The following EVL variants were observed in gnomAD, a reference collection of about 807,000 sequenced individuals.
The protein encoded by EVL is Enah/Vasp-like, also known as ena/VASP-like protein.
In EVL, 21 loss-of-function variants were observed where a neutral mutation model predicts 59.6. That is an observed-to-expected ratio of 0.35 (90% CI 0.25 to 0.51). The LOEUF (loss-of-function observed/expected upper bound fraction) is 0.51, where lower values mean the gene tolerates loss of function less well. Among genes scored for constraint, EVL ranks in the 20% least tolerant of loss-of-function variants. The pLI is 0.97. For synonymous variants in EVL, 198 were observed against 203.5 expected, an observed-to-expected ratio of 0.97 and a Z score of 0.23; for missense variants, 462 against 546.6, an observed-to-expected ratio of 0.85 and a Z score of 1.54.
chr14:100,008,353 G>A (rs1487348773), intron 1 of EVL, among the ~76,000 whole-genome samples: 5 of 152,188 alleles, frequency 3.3e-5, no homozygotes, highest in South Asian at 4.1e-4. Flanking sequence ...TTCCATCTCT[G>A]ACTGTGATTG....
rs924582412 is a variant in EVL, at chr14:100,114,664, G to A, written c.359-8875G>A. 2 of 152,064 alleles carry A rather than the reference G, an allele frequency of 1.3e-5. No individual in the cohort carries two copies. The highest frequency in any genetic ancestry group is 2.9e-5 in the Non-Finnish European group (2 of 67,958). 9.4% of individuals were successfully genotyped at this position (152,064 alleles called of 1,614,324 possible). A position where few individuals can be genotyped will look rare whatever the true frequency, so the allele number is the denominator to read the frequency against. ...CTGCCCGTGATGGTCAGCAGGGAGT[G>A]GGCCTTCCACTGCTTTTGCTTCTGC... On this transcript the variant is annotated intron_variant, in intron 3 of 13. Transcript: ENST00000392920. The surrounding 1 kb of genome is among the most constrained non-coding windows in gnomAD (Gnocchi z 5.0).
intron 1 of EVL, among the ~76,000 whole-genome samples, chr14:99,991,958 C>CTG (rs1491151315): frequency 2.7e-5 from 2 of 73,404 alleles, no homozygotes; most frequent in Admixed American, 1.6e-4. Flanking sequence ...TGAGGGTCAA[C>CTG]TCTGTGTGTG....
chr14:100,099,870 G>T (rs1300748872), intron 3 of EVL, among the ~76,000 whole-genome samples: 1 of 151,612 alleles, frequency 6.6e-6, no homozygotes, highest in South Asian at 2.1e-4. Flanking sequence ...ACTGCGCCCG[G>T]CCCAGCTTTA....
intron 1 of EVL, chr14:100,019,324 T>C (rs1348511229): frequency 3.8e-6 from 1 of 264,014 alleles, no homozygotes; most frequent in Non-Finnish European, 7.1e-6. Flanking sequence ...ATGTGTTACA[T>C]GCTTTACCCA....
intron 1 of EVL, among the ~76,000 whole-genome samples, chr14:100,008,258 A>G (rs988763472): frequency 6.6e-6 from 1 of 152,192 alleles, no homozygotes; most frequent in Non-Finnish European, 1.5e-5. Context: ...TGATGCTAAT[A>G]TGGCTGGTGG....
chr14:100,049,529 T>C (rs2061611923), intron 1 of EVL, among the ~76,000 whole-genome samples: 1 of 152,240 alleles, frequency 6.6e-6, no homozygotes, highest in East Asian at 1.9e-4. Context: ...AGTCAGAATG[T>C]GGGATGGTTT....
intron 1 of EVL, among the ~76,000 whole-genome samples, chr14:100,037,280 A>G (rs1223903981): frequency 1.3e-5 from 2 of 152,210 alleles, no homozygotes; most frequent in African/African-American, 2.4e-5. Context: ...GTCTAGTCTA[A>G]TTTCTCCAAG....
At chr14:100,049,914 GTGAC>G (rs936334069) in intron 1 of EVL, among the ~76,000 whole-genome samples, 1 of 152,054 alleles carries the variant, frequency 6.6e-6, no homozygotes, top group African/African-American at 2.4e-5. Flanking sequence ...TGTGACCTTT[GTGAC>G]TGACTTCTTT....
chr14:100,070,602 G>A lies in EVL; in HGVS notation c.11+5091G>A, dbSNP rs181686986. On this transcript the variant is annotated intron_variant, in intron 1 of 13. Transcript: ENST00000392920. ...GCCTAGAGCTCTTTCAGAGCAGGAC[G>A]CTTGTGTTATGCATTCATGTTTGTC... 4.3e-3 allele frequency among the ~76,000 whole-genome samples: 660 copies of A among 152,312 alleles called. 19 individuals carry two copies. The highest frequency in any genetic ancestry group is 0.035 in the Admixed American group (541 of 15,308).
At position 100,042,010 on chromosome 14, in the gene EVL, A is replaced by G. The variant is rs576037254; in HGVS notation, c.6-42677A>G. Among the ~76,000 whole-genome samples, 4 of 152,342 alleles carry G rather than the reference A, an allele frequency of 2.6e-5. No homozygotes were observed. In the South Asian group the frequency reaches 6.2e-4, roughly 24 times the overall value. On this transcript the variant is annotated intron_variant, in intron 1 of 13. Transcript: ENST00000402714. ...ATGGGAGCTGCATGTGGAATTTTAA[A>G]TATTTAATAACCATATGAACTAAAG...
chr14:100,123,642 A>G (rs1440409856), intron 4 of EVL, 40 bp downstream of exon 4: 1 of 1,609,642 alleles, frequency 6.2e-7, no homozygotes, highest in African/African-American at 1.3e-5. Context: ...GTCATCTCCC[A>G]ATCAGGCTGG....
chr14:100,065,509 A>G lies in EVL; in HGVS notation c.9A>G (p.Thr3=), dbSNP rs1566993212. The part of the protein sequence containing the change: MA[T]SEQSICQARA... ...GCTGCCACTTTTCAGCCATGGCCAC[A>G]AGGTGAGTATTGGAACCAGTGCAGG... Residue 3 remains threonine (T), a splice_region_variant and synonymous_variant, in exon 1 of 14, where the codon ACA becomes ACG. Coordinates refer to ENST00000392920, the MANE Select transcript of EVL (RefSeq NM_016337.3). 1 of 1,524,684 alleles carries G rather than the reference A, an allele frequency of 6.6e-7. No individual in the cohort carries two copies. The allele number at this position is 1,524,684 out of a possible 1,614,324, so 94.4% of individuals were successfully genotyped here.
At chr14:100,102,118 T>A (rs755280248) in intron 3 of EVL, among the ~76,000 whole-genome samples, 2 of 152,218 alleles carry the variant, frequency 1.3e-5, no homozygotes, top group Non-Finnish European at 2.9e-5. Context: ...GATTAAGGTG[T>A]AAGTCACCAT....
At chr14:100,105,709 G>T (rs572401844) in intron 3 of EVL, among the ~76,000 whole-genome samples, 3 of 151,834 alleles carry the variant, frequency 2.0e-5, no homozygotes, top group Non-Finnish European at 4.4e-5. Context: ...TGTCTGTCTC[G>T]CAGCATGAGA....
At chr14:100,142,823 G>T (rs1889272790) in intron 13 of EVL, among the ~76,000 whole-genome samples, 1 of 152,222 alleles carries the variant, frequency 6.6e-6, no homozygotes, top group Admixed American at 6.5e-5. Context: ...CCGCCTTACT[G>T]CTGGGTGCCG....
In EVL at chr14:100,122,966, C is replaced by T. The variant is rs182243197; in HGVS notation, c.359-573C>T. On this transcript the variant is annotated intron_variant, in intron 3 of 13. Transcript: ENST00000392920. ...GTCTGGCTCCTTCCCACCCGCAGCT[C>T]CAGACACCCTTTGTAGACAGCAGGG... Among the ~76,000 whole-genome samples, 128 of 152,308 alleles carry T rather than the reference C, an allele frequency of 8.4e-4. 1 individual carries two copies. Among genetic ancestry groups the T allele is most frequent in the South Asian group, 2.5e-3 (12 of 4,830 alleles).
intron 1 of EVL, among the ~76,000 whole-genome samples, chr14:100,051,742 C>T (rs915728965): frequency 2.0e-5 from 3 of 152,158 alleles, no homozygotes; most frequent in Non-Finnish European, 2.9e-5. Context: ...CCTGGGGGTA[C>T]ATAAAGACTT....
chr14:100,047,143 T>TTTTTTTTTTTTTTTTC (rs2061566475), intron 1 of EVL, among the ~76,000 whole-genome samples: 1 of 142,288 alleles, frequency 7.0e-6, no homozygotes, highest in Admixed American at 7.0e-5. Flanking sequence ...TTTTTTTTTT[T>TTTTTTTTTTTTTTTTC]TTACCTGACC....
chr14:100,136,138 C>T (rs1952325553), intron 9 of EVL, among the ~76,000 whole-genome samples, 170 bp downstream of exon 9: 1 of 152,110 alleles, frequency 6.6e-6, no homozygotes, highest in Non-Finnish European at 1.5e-5. Flanking sequence ...CCCAGGAGCC[C>T]ATGTGGGAGC....
Sources: gnomAD v4.1 joint callset for allele counts (sites outside exome capture counted in the v4.1 genomes callset) on GRCh38, gnomAD v4.1.1 for gene constraint, Gnocchi (gnomAD v3.1) non-coding constraint, MANE v1.5 for transcripts, NCBI Gene and HGNC (gene_info 2026-07-23, HGNC 2026-07-21) for gene names.